ESRRB: variants seen among roughly 807,000 people sequenced by gnomAD.
ESRRB encodes steroid hormone receptor ERR2.
In ESRRB, 16 loss-of-function variants were observed where a neutral mutation model predicts 46.0. That is an observed-to-expected ratio of 0.35 (90% CI 0.24 to 0.53). The LOEUF is 0.53. Ranked by LOEUF, ESRRB falls within the 20% of genes least tolerant of loss-of-function variation. The pLI, the probability that ESRRB is intolerant of heterozygous loss-of-function variation, is 0.93. For synonymous variants in ESRRB, 246 were observed against 259.6 expected, an observed-to-expected ratio of 0.95 and a Z score of 0.50; for missense variants, 488 against 607.4, an observed-to-expected ratio of 0.80 and a Z score of 2.07.
At chr14:76,374,601 G>T, upstream of ESRRB, among the ~76,000 whole-genome samples, 1 of 152,198 alleles carries the variant, frequency 6.6e-6, no homozygotes, top group East Asian at 1.9e-4. Flanking sequence ...GGGCAGAAAG[G>T]ATGCCGAAAA....
intron 1 of ESRRB, among the ~76,000 whole-genome samples, chr14:76,390,100 A>T (rs1012802682): frequency 1.3e-5 from 2 of 152,186 alleles, no homozygotes; most frequent in Admixed American, 6.5e-5. Flanking sequence ...GTCACATCCC[A>T]GCTCTGTGAC....
At chr14:76,312,675 G>C (rs1883753282) in intron 1 of ESRRB, among the ~76,000 whole-genome samples, 2 of 151,890 alleles carry the variant, frequency 1.3e-5, no homozygotes, top group Non-Finnish European at 2.9e-5. Flanking sequence ...TATTATGAGG[G>C]CCTCTATTTT....
intron 1 of ESRRB, among the ~76,000 whole-genome samples, chr14:76,321,874 G>A (rs1034279926): frequency 3.6e-5 from 5 of 139,322 alleles, no homozygotes; most frequent in African/African-American, 5.1e-5. Context: ...GCTAAAGAGC[G>A]GGACTCCGTC....
chr14:76,418,159 T>C (rs1363799331), intron 1 of ESRRB, among the ~76,000 whole-genome samples: 3 of 151,996 alleles, frequency 2.0e-5, no homozygotes, highest in Admixed American at 6.6e-5. Flanking sequence ...TTCACCATGT[T>C]TGTCAGGCTG....
intron 1 of ESRRB, among the ~76,000 whole-genome samples, chr14:76,349,281 G>T (rs1008375056): frequency 1.3e-5 from 2 of 152,194 alleles, no homozygotes; most frequent in Non-Finnish European, 2.9e-5. Flanking sequence ...GGTCTCCTGG[G>T]CTCCAAAGGG....
intron 6 of ESRRB, chr14:76,495,544 T>TTC (rs71303880): frequency 2.4e-4 from 4 of 16,372 alleles, no homozygotes; most frequent in Non-Finnish European, 4.2e-4. Flanking sequence ...CTGGCTAGTC[T>TTC]TTTTTTTTTT....
At chr14:76,348,316 T>C (rs1171038482) in intron 1 of ESRRB, among the ~76,000 whole-genome samples, 4 of 152,152 alleles carry the variant, frequency 2.6e-5, no homozygotes, top group Non-Finnish European at 4.4e-5. Context: ...TTGAGACTGT[T>C]AGTTTCCATA....
At chr14:76,318,571 C>T (rs1364829299) in intron 1 of ESRRB, among the ~76,000 whole-genome samples, 1 of 152,180 alleles carries the variant, frequency 6.6e-6, no homozygotes, top group Non-Finnish European at 1.5e-5. Context: ...CCTTGGGCAA[C>T]TGTCCCAGCC....
At chr14:76,423,482 C>T (rs985517293) in intron 1 of ESRRB, among the ~76,000 whole-genome samples, 4 of 152,096 alleles carry the variant, frequency 2.6e-5, no homozygotes, top group East Asian at 1.9e-4. Context: ...AGAATTCGAT[C>T]GAAACTGATG....
intron 2 of ESRRB, among the ~76,000 whole-genome samples, chr14:76,454,235 G>A (rs1566907243): frequency 6.6e-6 from 1 of 152,166 alleles, no homozygotes; most frequent in Non-Finnish European, 1.5e-5. Flanking sequence ...TTCTCTGGGT[G>A]GGGGCTCTTG....
chr14:76,313,060 T>C (rs977533831), intron 1 of ESRRB, among the ~76,000 whole-genome samples: 2 of 152,114 alleles, frequency 1.3e-5, no homozygotes, highest in African/African-American at 4.8e-5. Context: ...AATATTTTGT[T>C]GGGACATTTA....
At chr14:76,372,707 C>T (rs549970063), upstream of ESRRB, among the ~76,000 whole-genome samples, 23 of 152,266 alleles carry the variant, frequency 1.5e-4, 1 homozygote, top group East Asian at 4.1e-3. Flanking sequence ...TGGTGGGTGC[C>T]TGTAGTCCCA....
At chr14:76,476,662 G>A (rs965461612) in intron 3 of ESRRB, among the ~76,000 whole-genome samples, 3 of 151,902 alleles carry the variant, frequency 2.0e-5, no homozygotes, top group Non-Finnish European at 2.9e-5. Context: ...AAATGAAGTT[G>A]GTTTTTCCAC....
intron 1 of ESRRB, among the ~76,000 whole-genome samples, chr14:76,415,553 A>G (rs149779351): frequency 0.01 from 1,574 of 152,298 alleles, 15 homozygotes; most frequent in Non-Finnish European, 0.015. Flanking sequence ...CCAGCTACTC[A>G]GGAGGCTGAG....
chr14:76,441,243 A>G (rs909533212), intron 2 of ESRRB, among the ~76,000 whole-genome samples: 8 of 152,144 alleles, frequency 5.3e-5, no homozygotes, highest in Non-Finnish European at 1.0e-4. Flanking sequence ...TTTGCATATC[A>G]CCTGAGTCAC....
intron 1 of ESRRB, among the ~76,000 whole-genome samples, chr14:76,337,455 C>T (rs1228240140): frequency 2.6e-5 from 4 of 152,086 alleles, no homozygotes; most frequent in African/African-American, 4.8e-5. Context: ...CAGAAAAAGA[C>T]GGGTCCACTC....
intron 1 of ESRRB, among the ~76,000 whole-genome samples, chr14:76,410,574 G>A (rs56174724): frequency 0.059 from 8,937 of 152,202 alleles, 470 homozygotes; most frequent in East Asian, 0.27. Flanking sequence ...GATGGAGAAT[G>A]GAGGCACAGG....
intron 1 of ESRRB, among the ~76,000 whole-genome samples, chr14:76,398,805 CTTGCTCAGG>C (rs1885811336): frequency 6.6e-6 from 1 of 152,086 alleles, no homozygotes; most frequent in African/African-American, 2.4e-5. Flanking sequence ...GGCTGTGTGC[CTTGCTCAGG>C]TTGCTGAGCT....
intron 3 of ESRRB, among the ~76,000 whole-genome samples, chr14:76,464,238 C>T (rs988976536): frequency 3.3e-5 from 5 of 152,156 alleles, no homozygotes; most frequent in Non-Finnish European, 7.4e-5. Context: ...AATCCAGACC[C>T]TTCCTGGAGG....
Sources: allele counts gnomAD v4.1 joint callset (sites outside exome capture counted in the v4.1 genomes callset), GRCh38; gene constraint gnomAD v4.1.1; transcripts MANE v1.5; gene names NCBI Gene and HGNC (gene_info 2026-07-23, HGNC 2026-07-21).